The following GRIA1 variants were observed in gnomAD, a reference collection of about 807,000 sequenced individuals.
GRIA1 encodes the protein glutamate receptor 1.
GRIA1 carries 31 observed loss-of-function variants against 99.2 expected under a neutral mutation model. That is an observed-to-expected ratio of 0.31 (90% CI 0.23 to 0.42). GRIA1 has a LOEUF of 0.42. GRIA1 is among the 10% of genes least tolerant of loss of function. The pLI is 1.00. For missense variants in GRIA1, 782 were observed against 1,157.5 expected (o/e 0.68, Z 4.71); for synonymous variants, 438 against 432.4 (o/e 1.01, Z -0.16).
At chr5:153,547,254 G>A (rs1759694534) in intron 2 of GRIA1, among the ~76,000 whole-genome samples, 1 of 152,034 alleles carries the variant, frequency 6.6e-6, no homozygotes, top group African/African-American at 2.4e-5. Context: ...TTCTTTCAAT[G>A]CAGCCCAGAG....
At chr5:153,679,836 A>G (rs2149490733) in intron 7 of GRIA1, among the ~76,000 whole-genome samples, 1 of 152,362 alleles carries the variant, frequency 6.6e-6, no homozygotes, top group East Asian at 1.9e-4. Flanking sequence ...TTAGGCCAAG[A>G]GGTCCAGCAC....
chr5:153,721,589 T>C (rs559532425), intron 11 of GRIA1, among the ~76,000 whole-genome samples: 1 of 152,330 alleles, frequency 6.6e-6, no homozygotes, highest in African/African-American at 2.4e-5. Context: ...AATTGAACTG[T>C]TTTTGAATCT....
At position 153,650,359 on chromosome 5, in the gene GRIA1, A is replaced by G. The variant is rs1200648864; in HGVS notation, c.490A>G (p.Thr164Ala). 6.2e-7 allele frequency: 1 copy of G among 1,613,928 alleles called. No individual in the cohort carries two copies. The highest frequency in any genetic ancestry group is 1.1e-5 in the South Asian group (1 of 91,070). Reference sequence around the variant, plus strand: ...ATCCGTCCTGCAGAAAGTCCTGGATACAGCTGCTGAGAAGAACTGGCAGGT... The same window carrying G: ...ATCCGTCCTGCAGAAAGTCCTGGATGCAGCTGCTGAGAAGAACTGGCAGGT... ...GLSVLQKVLD[T>A]AAEKNWQVTA... Residue 164 changes from threonine to alanine, a missense_variant, in exon 4 of 16, where the codon ACA (threonine) becomes GCA (alanine). By Grantham distance (58) the Thr-to-Ala change is moderately conservative (BLOSUM62 0). Transcript: ENST00000285900.
At chr5:153,492,096 G>A (rs1753966606) in intron 1 of GRIA1, 1 of 1,396,016 alleles carries the variant, frequency 7.2e-7, no homozygotes, top group Non-Finnish European at 9.4e-7. Context: ...CTGGTAGGGA[G>A]ATAGCTCCAC....
intron 14 of GRIA1, among the ~76,000 whole-genome samples, chr5:153,799,420 C>T (rs924850975): frequency 5.7e-4 from 87 of 152,298 alleles, no homozygotes; most frequent in African/African-American, 2.0e-3. Flanking sequence ...TGGCCTGAGG[C>T]CTCCTTAGAA....
chr5:153,660,960 T>C (rs1234765147), intron 5 of GRIA1, among the ~76,000 whole-genome samples: 1 of 152,218 alleles, frequency 6.6e-6, no homozygotes, highest in Non-Finnish European at 1.5e-5. Flanking sequence ...ACCAGGACAG[T>C]TGGCCATTTC....
intron 1 of GRIA1, among the ~76,000 whole-genome samples, chr5:153,493,529 G>A (rs1044786592): frequency 2.6e-5 from 4 of 152,144 alleles, no homozygotes; most frequent in African/African-American, 4.8e-5. Flanking sequence ...TGAGAGATGA[G>A]GCTGATGTAA....
intron 2 of GRIA1, among the ~76,000 whole-genome samples, chr5:153,555,089 T>G (rs1760499294): frequency 6.6e-6 from 1 of 152,156 alleles, no homozygotes; most frequent in Non-Finnish European, 1.5e-5. Context: ...TTTCTTAGCA[T>G]ACAGCAGCCT....
At chr5:153,517,879 A>T (rs1261928867) in intron 2 of GRIA1, among the ~76,000 whole-genome samples, 7 of 152,344 alleles carry the variant, frequency 4.6e-5, no homozygotes, top group Middle Eastern at 3.4e-3. Context: ...CCTCTGCTTA[A>T]GTAAATGTAG....
intron 11 of GRIA1, among the ~76,000 whole-genome samples, chr5:153,720,072 G>T (rs573529956): frequency 6.6e-6 from 1 of 152,282 alleles, no homozygotes; most frequent in African/African-American, 2.4e-5. Flanking sequence ...CAAAACATTA[G>T]TTCCTTAATG....
chr5:153,675,213 C>T (rs1424182893), intron 6 of GRIA1, among the ~76,000 whole-genome samples: 1 of 152,222 alleles, frequency 6.6e-6, no homozygotes, highest in Non-Finnish European at 1.5e-5. Flanking sequence ...GGCAGAGCCA[C>T]CATGTTGCCC....
chr5:153,576,120 C>G (rs1762511556), intron 2 of GRIA1, among the ~76,000 whole-genome samples: 1 of 152,180 alleles, frequency 6.6e-6, no homozygotes, highest in Admixed American at 6.5e-5. Context: ...CTGTGAGCCT[C>G]AGTTTCTCCA....
At chr5:153,701,633 A>AAAAAAAAAAAAAAAAAAAAAAAAAAAAC (rs1758532800) in intron 10 of GRIA1, among the ~76,000 whole-genome samples, 1 of 148,786 alleles carries the variant, frequency 6.7e-6, no homozygotes, top group East Asian at 2.0e-4. Context: ...AAAAAAAAAA[A>AAAAAAAAAAAAAAAAAAAAAAAAAAAAC]AAAAAAAAAT....
At chr5:153,787,293 C>G (rs765608977) in intron 13 of GRIA1, among the ~76,000 whole-genome samples, 1 of 152,146 alleles carries the variant, frequency 6.6e-6, no homozygotes, top group Non-Finnish European at 1.5e-5. Flanking sequence ...TTAGAATGCT[C>G]CCCTGGACCT....
intron 11 of GRIA1, among the ~76,000 whole-genome samples, chr5:153,716,507 A>G (rs1759676456): frequency 6.6e-6 from 1 of 152,012 alleles, no homozygotes; most frequent in Non-Finnish European, 1.5e-5. Flanking sequence ...TATTATTCCT[A>G]AGAGTATCTT....
At chr5:153,599,570 G>A (rs911378405) in intron 2 of GRIA1, among the ~76,000 whole-genome samples, 3 of 152,108 alleles carry the variant, frequency 2.0e-5, no homozygotes, top group African/African-American at 7.2e-5. Context: ...CTAATACAAT[G>A]TAAATACTAT....
chr5:153,726,500 T>A (rs1295437971), intron 11 of GRIA1, among the ~76,000 whole-genome samples: 1 of 151,138 alleles, frequency 6.6e-6, no homozygotes, highest in Admixed American at 6.6e-5. Flanking sequence ...CTAGCAAGAC[T>A]AATAAAGAAG....
At chr5:153,798,019 G>T (rs1413595630) in intron 14 of GRIA1, among the ~76,000 whole-genome samples, 2 of 152,120 alleles carry the variant, frequency 1.3e-5, no homozygotes, top group Admixed American at 1.3e-4. Context: ...ATGTTTTGGG[G>T]GTGGGGACAA....
chr5:153,492,333 C>G (rs1334372069), intron 1 of GRIA1: 1 of 1,515,940 alleles, frequency 6.6e-7, no homozygotes, highest in South Asian at 1.2e-5. Flanking sequence ...GTGTTAGTGC[C>G]TAACACGCAA....
Sources: allele counts gnomAD v4.1 joint callset (sites outside exome capture counted in the v4.1 genomes callset), GRCh38; gene constraint gnomAD v4.1.1; transcripts MANE v1.5; gene names NCBI Gene and HGNC (gene_info 2026-07-23, HGNC 2026-07-21).